The following LRPPRC variants were observed in gnomAD, a reference collection of about 807,000 sequenced individuals.
LRPPRC encodes the protein leucine rich pentatricopeptide repeat containing.
Under a neutral mutation model 180.3 loss-of-function variants are expected in LRPPRC, and 120 were observed. The observed-to-expected ratio is 0.67, with a 90% CI of 0.57 to 0.77. The LOEUF is 0.77. Among genes scored for constraint, LRPPRC ranks in the 30% least tolerant of loss-of-function variants. The pLI is 0.00. For missense variants in LRPPRC, 2,012 were observed against 1,657.2 expected, an observed-to-expected ratio of 1.21 and a Z score of -3.72; for synonymous variants, 723 against 600.0, an observed-to-expected ratio of 1.21 and a Z score of -3.00.
rs775309201 is a variant in LRPPRC, at chr2:43,974,716, G to A, written c.907C>T (p.Arg303Cys). 1.5e-5 allele frequency: 24 copies of A among 1,612,900 alleles called. No homozygotes were observed. The highest frequency in any genetic ancestry group is 4.4e-5 in the South Asian group (4 of 91,038). The stretch of plus-strand genomic sequence containing the variant: ...CTAAAAATAATTTGCAGTAAATCAC[G>A]GTCCATAAGGTGAAGCTCGGACTTC... ...VEKSELHLMDRDLLQIIFSFS... is the reference protein window; with the variant it reads ...VEKSELHLMDCDLLQIIFSFS... Residue 303 changes from arginine to cysteine, a missense_variant, in exon 8 of 38, where the codon CGT becomes TGT. Coordinates refer to ENST00000260665, the MANE Select transcript of LRPPRC (RefSeq NM_133259.4).
chr2:43,989,377 T>A (rs772662302), intron 1 of LRPPRC, among the ~76,000 whole-genome samples: 3 of 152,220 alleles, frequency 2.0e-5, no homozygotes, highest in African/African-American at 7.2e-5. Context: ...GAGATTTCCC[T>A]TCCATCTCCC....
intron 14 of LRPPRC, among the ~76,000 whole-genome samples, chr2:43,955,728 A>G (rs1225712713): frequency 6.6e-6 from 1 of 152,072 alleles, no homozygotes; most frequent in African/African-American, 2.4e-5. Flanking sequence ...ACAGAGCGAG[A>G]CCCTATCTCA....
intron 25 of LRPPRC, among the ~76,000 whole-genome samples, chr2:43,930,550 T>C (rs1291956229): frequency 6.6e-6 from 1 of 152,214 alleles, no homozygotes; most frequent in Non-Finnish European, 1.5e-5. Flanking sequence ...GGCCACATCA[T>C]TCCATTTCAT....
At chr2:43,972,603 A>G (rs572698635) in intron 11 of LRPPRC, among the ~76,000 whole-genome samples, 7 of 152,222 alleles carry the variant, frequency 4.6e-5, no homozygotes, top group Non-Finnish European at 1.0e-4. Context: ...GGATATACAA[A>G]GAGTTAATCA....
rs1000290192 is a variant in LRPPRC at position 43,896,697 on chromosome 2, T to C, written c.3837A>G (p.Ala1279=). 1.9e-6 allele frequency: 3 copies of C among 1,603,828 alleles called. No individual in the cohort carries two copies. In the African/African-American group the frequency reaches 4.0e-5, roughly 21 times the overall value. ...ACAAAATCGGGGTTTGTTCAGCAAT[T>C]GCACCACATCTCTAAAAATTAAAAC... ...DARALLQRCG[A]IAEQTPILLL... is the part of the protein sequence containing the mutation. Residue 1279 remains alanine (A), a synonymous_variant, in exon 35 of 38, where the codon GCA becomes GCG. Transcript: ENST00000260665.
In LRPPRC at chr2:43,912,556, C is replaced by A. The variant is rs1303671323; in HGVS notation, c.3151G>T (p.Ala1051Ser). 1 of 1,608,220 alleles carries A rather than the reference C, an allele frequency of 6.2e-7. No individual in the cohort carries two copies. Residue 1051 changes from alanine to serine, a missense_variant and splice_region_variant, in exon 30 of 38, where the codon GCA (alanine) becomes TCA (serine). Physicochemically the swap from Ala to Ser is moderately conservative, Grantham distance 99. Transcript: ENST00000260665. ...IACRLNQKKG[A>S]YDIFLNAKEQ... ...TTTGCATTCAGGAAAATATCATATG[C>A]CCCTATGAGAGAAAACAGACAAAAA...
chr2:43,922,904 G>A (rs536156124), intron 27 of LRPPRC, among the ~76,000 whole-genome samples: 27 of 152,194 alleles, frequency 1.8e-4, no homozygotes, highest in Admixed American at 5.2e-4. Context: ...TTATAACACG[G>A]CAGAAGGTAG....
chr2:43,993,203 T>C (rs775299411), intron 1 of LRPPRC, among the ~76,000 whole-genome samples: 21 of 152,136 alleles, frequency 1.4e-4, no homozygotes, highest in Admixed American at 7.9e-4. Context: ...AAAAGTTAAA[T>C]AAACATACAT....
chr2:43,896,856 G>T (rs771341138), intron 34 of LRPPRC, 148 bp from the exon 35 acceptor site: 1 of 629,934 alleles, frequency 1.6e-6, no homozygotes, highest in Non-Finnish European at 2.9e-6. Flanking sequence ...ATTTTTTAAG[G>T]CAAGAAAAAA....
In LRPPRC at chr2:43,892,143, C is replaced by T. The variant is rs374756655; in HGVS notation, c.3986-2267G>A. 7.2e-5 allele frequency among the ~76,000 whole-genome samples: 11 copies of T among 152,300 alleles called. No individual in the cohort carries two copies. The South Asian group carries it at 8.3e-4, about 11-fold the overall frequency. On this transcript the variant is annotated intron_variant, in intron 36 of 37. Coordinates refer to ENST00000260665, the MANE Select transcript of LRPPRC (RefSeq NM_133259.4). ...GCAGCAAATGCTGATGCAGAAGCTA[C>T]GGCAGGTTATCCAGAAAATCTAGCT... is the stretch of plus-strand genomic sequence containing the variant.
chr2:43,994,632 G>A (rs1460514110), intron 1 of LRPPRC, among the ~76,000 whole-genome samples: 1 of 152,066 alleles, frequency 6.6e-6, no homozygotes, highest in Non-Finnish European at 1.5e-5. Context: ...CAGATCCCTG[G>A]CTCTCAGTCC....
chr2:43,978,882 C>T (rs1417701598), intron 3 of LRPPRC, among the ~76,000 whole-genome samples: 1 of 152,048 alleles, frequency 6.6e-6, no homozygotes, highest in Non-Finnish European at 1.5e-5. Flanking sequence ...GATTCTTAAA[C>T]ATTTAGTGAG....
At chr2:43,891,193 G>T (rs1463664160) in intron 36 of LRPPRC, among the ~76,000 whole-genome samples, 2 of 152,142 alleles carry the variant, frequency 1.3e-5, no homozygotes, top group Non-Finnish European at 2.9e-5. Context: ...CTATCTTCTA[G>T]GAAGCTGCTC....
intron 34 of LRPPRC, among the ~76,000 whole-genome samples, chr2:43,898,408 C>A (rs935845461): frequency 6.6e-6 from 1 of 151,976 alleles, no homozygotes; most frequent in African/African-American, 2.4e-5. Context: ...GAAATTGGTC[C>A]CACGCCTCAA....
chr2:43,994,014 C>G (rs1052374698), intron 1 of LRPPRC, among the ~76,000 whole-genome samples: 1 of 151,930 alleles, frequency 6.6e-6, no homozygotes, highest in East Asian at 1.9e-4. Flanking sequence ...CCGAGACCAC[C>G]CTTTCTACTA....
chr2:43,993,835 G>T (rs1674897190), intron 1 of LRPPRC, among the ~76,000 whole-genome samples: 1 of 152,036 alleles, frequency 6.6e-6, no homozygotes, highest in African/African-American at 2.4e-5. Context: ...TGGATTGAGT[G>T]TTGAGGTAAG....
At chr2:43,945,989 C>A in intron 21 of LRPPRC, 124 bp downstream of exon 21, 2 of 1,040,472 alleles carry the variant, frequency 1.9e-6, no homozygotes, top group East Asian at 2.5e-5. Context: ...TTCAAAAACA[C>A]TGACAACAAA....
At chr2:43,908,469 G>T (rs1279630314) in intron 30 of LRPPRC, among the ~76,000 whole-genome samples, 1 of 152,044 alleles carries the variant, frequency 6.6e-6, no homozygotes, top group Non-Finnish European at 1.5e-5. Flanking sequence ...AAGTGTATCT[G>T]TAACACATTA....
intron 18 of LRPPRC, 64 bp from the exon 19 acceptor site, chr2:43,947,839 T>A: frequency 9.4e-7 from 1 of 1,068,268 alleles, no homozygotes; most frequent in Non-Finnish European, 1.5e-6. Context: ...TCAGCAAACA[T>A]CAAAAGCAAA....
Sources: gnomAD v4.1 joint callset for allele counts (sites outside exome capture counted in the v4.1 genomes callset) on GRCh38, gnomAD v4.1.1 for gene constraint, MANE v1.5 for transcripts, NCBI Gene and HGNC (gene_info 2026-07-23, HGNC 2026-07-21) for gene names.